The following SORCS3 variants were observed in gnomAD, a reference collection of about 807,000 sequenced individuals.
The protein encoded by SORCS3 is VPS10 domain-containing receptor SorCS3.
A neutral mutation model predicts 146.3 loss-of-function variants in SORCS3; 57 were observed. The observed-to-expected ratio is 0.39, with a 90% CI of 0.31 to 0.49. SORCS3 has a LOEUF of 0.49. Among genes scored for constraint, SORCS3 ranks in the 20% least tolerant of loss-of-function variants. The pLI is 0.92. For missense variants in SORCS3, 1,341 were observed against 1,575.5 expected, an observed-to-expected ratio of 0.85 and a Z score of 2.52; for synonymous variants, 653 against 618.5, an observed-to-expected ratio of 1.06 and a Z score of -0.83.
intron 1 of SORCS3, among the ~76,000 whole-genome samples, chr10:104,721,170 G>T (rs898039626): frequency 1.6e-4 from 25 of 152,288 alleles, no homozygotes; most frequent in Non-Finnish European, 2.8e-4. Flanking sequence ...GTAAGGAAGG[G>T]ATCCAGTTTC....
At chr10:105,127,511 G>A (rs1332027829) in intron 7 of SORCS3, among the ~76,000 whole-genome samples, 1 of 152,110 alleles carries the variant, frequency 6.6e-6, no homozygotes, top group Non-Finnish European at 1.5e-5. Flanking sequence ...AAATGAAGGT[G>A]TAATTAGACC....
chr10:104,700,917 A>T (rs2016272871), intron 1 of SORCS3, among the ~76,000 whole-genome samples: 2 of 152,198 alleles, frequency 1.3e-5, no homozygotes, highest in Admixed American at 1.3e-4. Flanking sequence ...ACCTCTTTGA[A>T]TTTTTATTCC....
chr10:104,892,948 A>C (rs1024088238), intron 2 of SORCS3, among the ~76,000 whole-genome samples: 1 of 152,050 alleles, frequency 6.6e-6, no homozygotes, highest in African/African-American at 2.4e-5. Context: ...ATCCTCATAC[A>C]TGCCATTCTC....
intron 1 of SORCS3, among the ~76,000 whole-genome samples, chr10:104,774,050 A>G (rs894953852): frequency 1.3e-5 from 2 of 152,160 alleles, no homozygotes; most frequent in Non-Finnish European, 2.9e-5. Flanking sequence ...TTTAAATTTT[A>G]CCTTAAAAAG....
At chr10:105,076,454 C>T (rs1233933104) in intron 5 of SORCS3, among the ~76,000 whole-genome samples, 1 of 152,128 alleles carries the variant, frequency 6.6e-6, no homozygotes, top group African/African-American at 2.4e-5. Flanking sequence ...CCTTTATAAA[C>T]CTGTTTCTCT....
At chr10:105,138,277 C>T (rs1302961196) in intron 7 of SORCS3, among the ~76,000 whole-genome samples, 2 of 152,092 alleles carry the variant, frequency 1.3e-5, no homozygotes, top group Non-Finnish European at 2.9e-5. Flanking sequence ...TGTGGGCTTC[C>T]GATCTGTGCA....
intron 17 of SORCS3, among the ~76,000 whole-genome samples, chr10:105,213,579 G>A (rs1442653963): frequency 6.6e-6 from 1 of 152,152 alleles, no homozygotes; most frequent in East Asian, 1.9e-4. Flanking sequence ...CTTATAGATG[G>A]TCATGTGCCT....
intron 4 of SORCS3, among the ~76,000 whole-genome samples, chr10:105,022,026 G>C (rs1368982720): frequency 6.6e-6 from 1 of 152,160 alleles, no homozygotes; most frequent in Non-Finnish European, 1.5e-5. Flanking sequence ...AAGATCAGTA[G>C]CTGCCAGGGG....
intron 20 of SORCS3, among the ~76,000 whole-genome samples, chr10:105,231,314 T>C (rs1172601712): frequency 6.6e-6 from 1 of 152,226 alleles, no homozygotes; most frequent in Non-Finnish European, 1.5e-5. Context: ...AAATCACACT[T>C]GTTCATTGCT....
chr10:104,667,462 G>T (rs559197415), intron 1 of SORCS3, among the ~76,000 whole-genome samples: 34 of 152,094 alleles, frequency 2.2e-4, no homozygotes, highest in African/African-American at 8.0e-4. Flanking sequence ...CTGTTCCCCT[G>T]TTTTATATCT....
chr10:104,751,966 T>TATATATATAA (rs1385185892), intron 1 of SORCS3, among the ~76,000 whole-genome samples: 10 of 109,598 alleles, frequency 9.1e-5, no homozygotes, highest in African/African-American at 3.9e-4. Flanking sequence ...TATATATATA[T>TATATATATAA]ATAATAGTTT....
At chr10:105,150,815 T>G (rs1260524552) in intron 9 of SORCS3, among the ~76,000 whole-genome samples, 1 of 152,166 alleles carries the variant, frequency 6.6e-6, no homozygotes, top group Non-Finnish European at 1.5e-5. Context: ...AAAGCTCAAT[T>G]TAATTGGTCT....
At chr10:105,025,724 T>C (rs1271078358) in intron 4 of SORCS3, among the ~76,000 whole-genome samples, 1 of 152,060 alleles carries the variant, frequency 6.6e-6, no homozygotes, top group Non-Finnish European at 1.5e-5. Context: ...CCAGGGCGGT[T>C]GTGTTTTGTT....
chr10:105,243,139 G>A (rs1375572117), intron 20 of SORCS3, among the ~76,000 whole-genome samples: 1 of 147,690 alleles, frequency 6.8e-6, no homozygotes, highest in Non-Finnish European at 1.5e-5. Flanking sequence ...AACGAATGTA[G>A]CAAAGGTAAT....
intron 20 of SORCS3, among the ~76,000 whole-genome samples, chr10:105,224,339 A>T (rs971576270): frequency 6.6e-6 from 1 of 152,178 alleles, no homozygotes; most frequent in Non-Finnish European, 1.5e-5. Flanking sequence ...ATCATATAGT[A>T]TGCACTGTTT....
chr10:104,673,486 CAG>C (rs1465707025), intron 1 of SORCS3, among the ~76,000 whole-genome samples: 1 of 151,264 alleles, frequency 6.6e-6, no homozygotes, highest in Non-Finnish European at 1.5e-5. Flanking sequence ...GTTTTTGAGG[CAG>C]AGTCTCACTC....
chr10:104,730,347 T>A (rs992521615), intron 1 of SORCS3, among the ~76,000 whole-genome samples: 4 of 152,218 alleles, frequency 2.6e-5, no homozygotes, highest in African/African-American at 9.6e-5. Context: ...AACCTGATCT[T>A]CTGCCTCCCC....
At position 105,178,060 on chromosome 10, in the gene SORCS3, A is replaced by C. The variant is rs375200678; in HGVS notation, c.1902-6A>C. 2 of 1,608,766 alleles carry C rather than the reference A, an allele frequency of 1.2e-6. No homozygotes were observed. Among genetic ancestry groups the C allele is most frequent in the Non-Finnish European group, 1.7e-6 (2 of 1,175,936 alleles). On this transcript the variant is annotated splice_polypyrimidine_tract_variant and splice_region_variant and intron_variant, in intron 13 of 26. Transcript: ENST00000369701. ...TGTCTTTTTTGTGTACTTGTTTCCA[A>C]CACAGGGTGAGTTTTGATGAGGGCC...
intron 5 of SORCS3, among the ~76,000 whole-genome samples, chr10:105,073,210 C>A (rs2055568730): frequency 6.6e-6 from 1 of 152,104 alleles, no homozygotes; most frequent in African/African-American, 2.4e-5. Flanking sequence ...TTCAGATCAG[C>A]CAGGTTTAGC....
Sources: allele counts gnomAD v4.1 joint callset (sites outside exome capture counted in the v4.1 genomes callset), GRCh38; gene constraint gnomAD v4.1.1; transcripts MANE v1.5; gene names NCBI Gene and HGNC (gene_info 2026-07-23, HGNC 2026-07-21).